Variants in ERC1 observed in about 807,000 individuals in gnomAD.
ERC1 encodes the protein ELKS/RAB6-interacting/CAST family member 1.
A neutral mutation model predicts 132.0 loss-of-function variants in ERC1; 56 were observed. The observed-to-expected ratio is 0.42, with a 90% CI of 0.34 to 0.53. ERC1 has a LOEUF of 0.53. Among genes scored for constraint, ERC1 ranks in the 20% least tolerant of loss-of-function variants. The pLI is 0.03. For missense variants in ERC1, 1,202 were observed against 1,349.9 expected (o/e 0.89, Z 1.72); for synonymous variants, 478 against 476.1 (o/e 1.00, Z -0.05).
At chr12:1,233,000 G>C (rs1458146025) in intron 12 of ERC1, among the ~76,000 whole-genome samples, 3 of 152,100 alleles carry the variant, frequency 2.0e-5, no homozygotes, top group Non-Finnish European at 4.4e-5. Context: ...TTATATGCCA[G>C]CAAATAGCCA....
At chr12:1,103,884 T>G (rs1565972305) in intron 3 of ERC1, among the ~76,000 whole-genome samples, 1 of 152,076 alleles carries the variant, frequency 6.6e-6, no homozygotes, top group Non-Finnish European at 1.5e-5. Flanking sequence ...TTGTTGGACA[T>G]GAAAGTGAGA....
chr12:1,244,449 TATA>T (rs1233310824), intron 13 of ERC1: 1 of 422,828 alleles, frequency 2.4e-6, no homozygotes, highest in Non-Finnish European at 4.7e-6. Context: ...CTACGTTAAG[TATA>T]ATAATTCTAG....
chr12:1,438,954 A>AAAAAAAATATATATATAT (rs1015181197), intron 17 of ERC1, among the ~76,000 whole-genome samples: 11 of 143,580 alleles, frequency 7.7e-5, no homozygotes, highest in African/African-American at 2.9e-4. Flanking sequence ...TTTAAAAAAA[A>AAAAAAAATATATATATAT]ATATATATAT....
At chr12:1,195,471 A>G (rs1342436359) in intron 12 of ERC1, among the ~76,000 whole-genome samples, 2 of 152,206 alleles carry the variant, frequency 1.3e-5, no homozygotes, top group Non-Finnish European at 2.9e-5. Flanking sequence ...TCAGGATAAT[A>G]GCATTCTCTT....
intron 17 of ERC1, among the ~76,000 whole-genome samples, chr12:1,417,481 T>C (rs577927159): frequency 3.5e-4 from 53 of 151,348 alleles, no homozygotes; most frequent in African/African-American, 5.3e-4. Flanking sequence ...CTATGTCAAA[T>C]CAAAAAAGAT....
chr12:1,428,638 A>C (rs1219223146), intron 17 of ERC1, among the ~76,000 whole-genome samples: 2 of 152,116 alleles, frequency 1.3e-5, no homozygotes, highest in Non-Finnish European at 2.9e-5. Flanking sequence ...GTTGTGGAGG[A>C]TATGGTTCAA....
chr12:1,280,325 T>A (rs998344171), intron 14 of ERC1, among the ~76,000 whole-genome samples: 2 of 152,226 alleles, frequency 1.3e-5, no homozygotes, highest in Non-Finnish European at 2.9e-5. Context: ...TGGAGAAATG[T>A]GCACGGTGGG....
intron 2 of ERC1, among the ~76,000 whole-genome samples, chr12:1,069,868 G>C (rs923331360): frequency 4.6e-5 from 7 of 152,036 alleles, no homozygotes; most frequent in Non-Finnish European, 7.4e-5. Flanking sequence ...GAGCTTTTTG[G>C]ATTTTAGATT....
At chr12:1,266,295 G>T (rs1284863936) in intron 14 of ERC1, among the ~76,000 whole-genome samples, 2 of 149,702 alleles carry the variant, frequency 1.3e-5, no homozygotes, top group Non-Finnish European at 3.0e-5. Context: ...AAGGTATGAA[G>T]AAATTGCTTT....
chr12:1,175,662 T>TGAGTTACAGGGGTTACTCACTTCAGAG (rs1360184491), intron 8 of ERC1, among the ~76,000 whole-genome samples: 1 of 151,726 alleles, frequency 6.6e-6, no homozygotes, highest in Non-Finnish European at 1.5e-5. Flanking sequence ...GCCTCCCGAG[T>TGAGTTACAGGGGTTACTCACTTCAGAG]AGCTGGGGTT....
intron 7 of ERC1, among the ~76,000 whole-genome samples, chr12:1,134,642 G>A (rs189863985): frequency 7.9e-5 from 12 of 151,634 alleles, no homozygotes; most frequent in Non-Finnish European, 1.2e-4. Context: ...GTGAGCCACC[G>A]CACCTGGCCC....
At chr12:1,137,363 C>CCAGG (rs1406722497) in intron 7 of ERC1, among the ~76,000 whole-genome samples, 7 of 151,680 alleles carry the variant, frequency 4.6e-5, no homozygotes, top group Admixed American at 2.6e-4. Flanking sequence ...TCCCAAAGTG[C>CCAGG]TGGGATTACA....
intron 17 of ERC1, among the ~76,000 whole-genome samples, chr12:1,415,934 A>T (rs1045083677): frequency 6.6e-6 from 1 of 152,208 alleles, no homozygotes; most frequent in Non-Finnish European, 1.5e-5. Flanking sequence ...ACTTTCATGT[A>T]TCTTATCTCA....
chr12:1,042,438 C>T (rs1024468189), intron 2 of ERC1, among the ~76,000 whole-genome samples: 2 of 150,854 alleles, frequency 1.3e-5, no homozygotes, highest in African/African-American at 2.4e-5. Context: ...CTCCACCTCC[C>T]GGGTTCAACC....
At chr12:1,106,051 G>C (rs944880595) in intron 4 of ERC1, among the ~76,000 whole-genome samples, 1 of 152,172 alleles carries the variant, frequency 6.6e-6, no homozygotes, top group Non-Finnish European at 1.5e-5. Context: ...TAGTGATTAA[G>C]AGCTTGCTTT....
At chr12:1,446,205 A>C (rs991148789) in intron 18 of ERC1, among the ~76,000 whole-genome samples, 1 of 152,200 alleles carries the variant, frequency 6.6e-6, no homozygotes, top group African/African-American at 2.4e-5. Flanking sequence ...ATGCAGTAAA[A>C]GACAGGGTAA....
chr12:1,070,779 AC>A (rs969967108), intron 2 of ERC1, among the ~76,000 whole-genome samples: 1 of 152,188 alleles, frequency 6.6e-6, no homozygotes, highest in Non-Finnish European at 1.5e-5. Flanking sequence ...AAATGCCAAC[AC>A]CCGTGTAATC....
intron 1 of ERC1, among the ~76,000 whole-genome samples, chr12:1,011,349 A>T (rs1253405747): frequency 6.6e-6 from 1 of 152,086 alleles, no homozygotes; most frequent in African/African-American, 2.4e-5. Context: ...GACTACAGGC[A>T]TGCACCACCA....
chr12:1,222,572 C>T (rs965646753), intron 12 of ERC1, among the ~76,000 whole-genome samples: 1 of 152,154 alleles, frequency 6.6e-6, no homozygotes, highest in Non-Finnish European at 1.5e-5. Context: ...GTAATATACA[C>T]AGTGCTTTAG....
Sources: allele counts gnomAD v4.1 joint callset (sites outside exome capture counted in the v4.1 genomes callset), GRCh38; gene constraint gnomAD v4.1.1; transcripts MANE v1.5; gene names NCBI Gene and HGNC (gene_info 2026-07-23, HGNC 2026-07-21).